The following UBR3 variants were observed in gnomAD, a reference collection of about 807,000 sequenced individuals.
The protein encoded by UBR3 is ubiquitin protein ligase E3 component n-recognin 3.
Under a neutral mutation model 243.2 loss-of-function variants are expected in UBR3, and 85 were observed. The ratio of observed to expected loss-of-function variants is 0.35; its 90% CI spans 0.29 to 0.42. The LOEUF (loss-of-function observed/expected upper bound fraction) is 0.42, where lower values mean the gene tolerates loss of function less well. Among genes scored for constraint, UBR3 ranks in the 10% least tolerant of loss-of-function variants. The pLI, the probability that UBR3 is intolerant of heterozygous loss-of-function variation, is 1.00. For synonymous variants in UBR3, 748 were observed against 799.8 expected, an observed-to-expected ratio of 0.94 and a Z score of 1.09; for missense variants, 1,686 against 2,300.8, an observed-to-expected ratio of 0.73 and a Z score of 5.47.
At chr2:170,057,118 C>CT (rs34846378) in intron 33 of UBR3, among the ~76,000 whole-genome samples, 129 of 135,846 alleles carry the variant, frequency 9.5e-4, no homozygotes, top group South Asian at 7.3e-3. Context: ...TTAGTTTTTT[C>CT]TTTTTTTTTT....
intron 24 of UBR3, among the ~76,000 whole-genome samples, chr2:169,982,459 A>G (rs1302893503): frequency 6.6e-6 from 1 of 152,078 alleles, no homozygotes; most frequent in African/African-American, 2.4e-5. Flanking sequence ...GGCTCTAACT[A>G]TTTTTAACAA....
chr2:169,960,701 C>G (rs572583371), intron 24 of UBR3, among the ~76,000 whole-genome samples: 6 of 151,978 alleles, frequency 3.9e-5, no homozygotes, highest in African/African-American at 1.4e-4. Context: ...CCTCTTTTAC[C>G]TCTTGCCTTT....
intron 1 of UBR3, among the ~76,000 whole-genome samples, chr2:169,863,490 A>G (rs2083156490): frequency 1.3e-5 from 2 of 152,200 alleles, no homozygotes; most frequent in South Asian, 4.1e-4. Context: ...CTTCCCCACT[A>G]AGGACTATTT....
In UBR3 at chr2:170,008,933, G is replaced by A. The variant is rs2090003020; in HGVS notation, c.4360G>A (p.Val1454Ile). ...PDNDFLFMYSVARTNLELELI... is the reference protein window; with the variant it reads ...PDNDFLFMYSIARTNLELELI... ...CAATGATTTTCTCTTTATGTACTCT[G>A]TTGCTAGGTAGGTATATATAGTGTA... The change falls in exon 29 of 39, where the codon GTT (valine) becomes ATT (isoleucine). Residue 1454 changes from valine (V) to isoleucine (I), a missense_variant. By Grantham distance (29) the Val-to-Ile change is conservative. Transcript: ENST00000272793. 4 of 1,587,846 alleles carry A rather than the reference G, an allele frequency of 2.5e-6. No homozygotes were observed. The highest frequency in any genetic ancestry group is 1.4e-5 in the African/African-American group (1 of 73,368).
At position 169,947,523 on chromosome 2, in the gene UBR3, ATTTTT is replaced by A; in HGVS notation, c.2911-12_2911-8del. 8.9e-7 allele frequency: 1 copy of A among 1,122,260 alleles called. No individual in the cohort carries two copies. Among genetic ancestry groups the A allele is most frequent in the Non-Finnish European group, 1.2e-6 (1 of 841,326 alleles). 69.5% of individuals were successfully genotyped at this position (1,122,260 alleles called of 1,614,324 possible). On this transcript the variant is annotated splice_polypyrimidine_tract_variant and intron_variant, in intron 21 of 38. Coordinates refer to ENST00000272793, the MANE Select transcript of UBR3 (RefSeq NM_172070.4). ...CGTGATGTGGCAAGACTTGATATTCATTTTTTTTTTTATTTTAGGCATCAGTGGGT... is the reference window on the plus strand; with the variant it reads ...CGTGATGTGGCAAGACTTGATATTCATTTTTTATTTTAGGCATCAGTGGGT...
intron 24 of UBR3, among the ~76,000 whole-genome samples, chr2:169,962,247 A>T (rs539811736): frequency 1.2e-3 from 182 of 149,706 alleles, no homozygotes; most frequent in East Asian, 5.3e-3. Flanking sequence ...TTTCTTAAAA[A>T]TTTTTTTTTT....
intron 29 of UBR3, among the ~76,000 whole-genome samples, chr2:170,011,798 A>G (rs1240060504): frequency 1.3e-5 from 2 of 152,112 alleles, no homozygotes; most frequent in Admixed American, 6.6e-5. Context: ...AAGTTTCAAT[A>G]TATTTCCAAA....
intron 1 of UBR3, among the ~76,000 whole-genome samples, chr2:169,860,583 GT>G (rs374165568): frequency 0.044 from 6,620 of 150,760 alleles, 166 homozygotes; most frequent in Middle Eastern, 0.068. Flanking sequence ...GAGTTTTTCT[GT>G]TTTTTTTTCC....
intron 19 of UBR3, among the ~76,000 whole-genome samples, chr2:169,936,381 C>T (rs911881623): frequency 2.6e-5 from 4 of 152,032 alleles, no homozygotes; most frequent in African/African-American, 9.7e-5. Flanking sequence ...TTTTTAAATG[C>T]AAAGTTAATT....
chr2:170,069,558 C>G (rs1245398915), intron 35 of UBR3, among the ~76,000 whole-genome samples: 1 of 151,998 alleles, frequency 6.6e-6, no homozygotes, highest in Non-Finnish European at 1.5e-5. Context: ...CATCTTATAA[C>G]AGAGTTTGTA....
chr2:170,002,680 A>T (rs1377093957), intron 27 of UBR3, among the ~76,000 whole-genome samples: 3 of 152,130 alleles, frequency 2.0e-5, no homozygotes, highest in Non-Finnish European at 4.4e-5. Flanking sequence ...ATTCATCAGT[A>T]GGTAACTTCT....
intron 24 of UBR3, chr2:169,964,854 GAGGGATC>G: frequency 2.2e-6 from 1 of 456,796 alleles, no homozygotes; most frequent in Non-Finnish European, 4.4e-6. Context: ...AAGAACAATT[GAGGGATC>G]AGGCAAATAT....
At chr2:169,924,033 A>G in intron 12 of UBR3, 39 bp downstream of exon 12, 1 of 1,514,014 alleles carries the variant, frequency 6.6e-7, no homozygotes, top group Non-Finnish European at 8.8e-7. Context: ...TTTTTTTTTT[A>G]ATTTTCAGAA....
intron 30 of UBR3, among the ~76,000 whole-genome samples, chr2:170,020,310 T>C (rs998105013): frequency 6.6e-6 from 1 of 152,196 alleles, no homozygotes; most frequent in Non-Finnish European, 1.5e-5. Flanking sequence ...GTAAATTGTC[T>C]CCTGAGACTA....
chr2:169,964,256 T>G (rs1383707513), intron 24 of UBR3: 1 of 283,856 alleles, frequency 3.5e-6, no homozygotes, highest in South Asian at 3.6e-5. Flanking sequence ...CAGTCCTTTT[T>G]TTGTCAGGTG....
At chr2:169,929,037 A>G (rs554586364) in intron 18 of UBR3, among the ~76,000 whole-genome samples, 169 bp downstream of exon 18, 2 of 152,304 alleles carry the variant, frequency 1.3e-5, no homozygotes, top group African/African-American at 4.8e-5. Context: ...TACTGCTTTC[A>G]ATTACTTAGA....
chr2:170,079,518 C>T (rs1406777041), intron 36 of UBR3, among the ~76,000 whole-genome samples: 7 of 152,172 alleles, frequency 4.6e-5, no homozygotes, highest in African/African-American at 1.7e-4. Context: ...ATTTTCCCTG[C>T]ATGCTTAGAG....
chr2:169,963,931 A>G (rs2087694608), intron 24 of UBR3, among the ~76,000 whole-genome samples: 1 of 152,192 alleles, frequency 6.6e-6, no homozygotes, highest in African/African-American at 2.4e-5. Flanking sequence ...TACTAAATGA[A>G]GTAAGTTGCA....
At chr2:169,967,230 G>GC (rs371643711) in intron 24 of UBR3, among the ~76,000 whole-genome samples, 7,253 of 131,702 alleles carry the variant, frequency 0.055, 194 homozygotes, top group Non-Finnish European at 0.074. Context: ...AGGAGAGTAT[G>GC]CCCCCCCCAC....
Sources: allele counts gnomAD v4.1 joint callset (sites outside exome capture counted in the v4.1 genomes callset), GRCh38; gene constraint gnomAD v4.1.1; transcripts MANE v1.5; gene names NCBI Gene and HGNC (gene_info 2026-07-23, HGNC 2026-07-21).